The following DCLRE1C variants were observed in gnomAD, a reference collection of about 807,000 sequenced individuals.
The protein encoded by DCLRE1C is protein artemis.
DCLRE1C carries 47 observed loss-of-function variants against 61.4 expected under a neutral mutation model. The ratio of observed to expected loss-of-function variants is 0.77; its 90% CI spans 0.61 to 0.98. DCLRE1C has a LOEUF of 0.98. DCLRE1C is among the 50% of genes least tolerant of loss of function. The pLI, the probability that DCLRE1C is intolerant of heterozygous loss-of-function variation, is 0.00. For missense variants in DCLRE1C, 858 were observed against 816.0 expected (o/e 1.05, Z -0.63); for synonymous variants, 337 against 287.6 (o/e 1.17, Z -1.74).
At chr10:14,901,283 T>C (rs775867581), downstream of DCLRE1C, 4 of 1,612,926 alleles carry the variant, frequency 2.5e-6, no homozygotes, top group African/African-American at 5.3e-5. Context: ...CAAGTACAGT[T>C]TCATTGGTGT....
downstream of DCLRE1C, among the ~76,000 whole-genome samples, chr10:14,899,991 A>G (rs1056610774): frequency 6.6e-6 from 1 of 152,230 alleles, no homozygotes; most frequent in Non-Finnish European, 1.5e-5. Context: ...GAGCAGAGCA[A>G]TTAAGAGGTA....
intron 1 of DCLRE1C, among the ~76,000 whole-genome samples, chr10:14,951,729 G>A (rs376135487): frequency 2.6e-5 from 4 of 152,112 alleles, no homozygotes; most frequent in East Asian, 1.9e-4. Flanking sequence ...AGGACAGAGC[G>A]CCCTCTCTCT....
At chr10:14,919,662 C>A in intron 13 of DCLRE1C, 76 bp downstream of exon 13, 1 of 1,172,068 alleles carries the variant, frequency 8.5e-7, no homozygotes. Context: ...AAGGCCACTT[C>A]TCCCAGACCC....
At chr10:14,943,783 TGAGCTGCCC>T (rs1348668639) in intron 3 of DCLRE1C, among the ~76,000 whole-genome samples, 1 of 147,972 alleles carries the variant, frequency 6.8e-6, no homozygotes, top group Non-Finnish European at 1.5e-5. Context: ...TGACCTCAGG[TGAGCTGCCC>T]GCCTCGGCCT....
At chr10:14,930,883 A>T (rs953829496) in intron 9 of DCLRE1C, among the ~76,000 whole-genome samples, 7 of 152,242 alleles carry the variant, frequency 4.6e-5, no homozygotes, top group Non-Finnish European at 8.8e-5. Flanking sequence ...GCAGCTTACC[A>T]ATCAGCAAAA....
chr10:14,913,745 C>A (rs188660063), intron 13 of DCLRE1C, among the ~76,000 whole-genome samples: 38 of 152,138 alleles, frequency 2.5e-4, no homozygotes, highest in Admixed American at 6.5e-4. Flanking sequence ...TATAAGTAAT[C>A]CAGAGATGAT....
At position 14,926,881 on chromosome 10, in the gene DCLRE1C, A is replaced by T. The variant is rs1470101838; in HGVS notation, c.934T>A (p.Tyr312Asn). The stretch of plus-strand genomic sequence containing the variant: ...GAGTGAAAAGAAAAACAAGCTCTGT[A>T]TGAACTCTCTCCAGTCCTAAAGGGA... ...NVIVRTGESS[Y>N]RACFSFHSSY... Residue 312 changes from tyrosine (Y) to asparagine (N), a missense_variant, in exon 11 of 14, where the codon TAC becomes AAC. Tyr to Asn is a moderately radical substitution (Grantham distance 143). Transcript: ENST00000378278. 6.2e-7 allele frequency: 1 copy of T among 1,613,588 alleles called. No homozygotes were observed. The highest frequency in any genetic ancestry group is 8.5e-7 in the Non-Finnish European group (1 of 1,179,574).
In DCLRE1C at chr10:14,953,937, C is replaced by T. The variant is rs1198932567; in HGVS notation, c.74G>A (p.Arg25Lys). ...SIDRFDRENL[R>K]ARAYFLSHCH... ...GTGGGACAGGAAGTAGGCGCGGGCC[C>T]TCAGGTTCTCCCTATCGAAGCGGTC... The change falls in exon 1 of 14, where the codon AGG becomes AAG. Residue 25 changes from arginine (R) to lysine (K), a missense_variant. Physicochemically the swap from Arg to Lys is conservative, Grantham distance 26 (BLOSUM62 2). This residue lies in a region of DCLRE1C where 15 missense variants were observed against 32.5 expected (regional missense o/e 0.46). Coordinates refer to ENST00000378278, the MANE Select transcript of DCLRE1C (RefSeq NM_001033855.3). 6.2e-7 allele frequency: 1 copy of T among 1,613,936 alleles called. No individual in the cohort carries two copies. The highest frequency in any genetic ancestry group is 8.5e-7 in the Non-Finnish European group (1 of 1,179,940).
intron 1 of DCLRE1C, among the ~76,000 whole-genome samples, chr10:14,950,955 G>A (rs574341701): frequency 1.3e-5 from 2 of 152,296 alleles, no homozygotes; most frequent in South Asian, 2.1e-4. Context: ...CTCAGGGGTC[G>A]GGGGGCCCTC....
intron 3 of DCLRE1C, among the ~76,000 whole-genome samples, chr10:14,944,673 CTTTTTTT>C (rs1165126470): frequency 2.5e-5 from 3 of 117,726 alleles, no homozygotes; most frequent in Non-Finnish European, 3.6e-5. Flanking sequence ...TTTTTTTTTT[CTTTTTTT>C]TTTTTTTTTT....
chr10:14,902,636 C>G, downstream of DCLRE1C: 1 of 665,272 alleles, frequency 1.5e-6, no homozygotes, highest in Non-Finnish European at 2.4e-6. Context: ...ATTCATGTTT[C>G]AAGACATTTG....
intron 11 of DCLRE1C, among the ~76,000 whole-genome samples, chr10:14,924,160 T>C (rs1837570358): frequency 6.6e-6 from 1 of 152,248 alleles, no homozygotes; most frequent in Non-Finnish European, 1.5e-5. Flanking sequence ...GGCTGTGTGC[T>C]CACGCTAACG....
chr10:14,908,300 C>T lies in DCLRE1C; in HGVS notation c.*108G>A. On this transcript the variant is annotated 3_prime_UTR_variant, in exon 14 of 14. Transcript: ENST00000378278. ...ACAAGTGTGAGCCACCACACCCAACCAGGTTATTTGAACATTTTTAAGTAC... is the reference window on the plus strand; with the variant it reads ...ACAAGTGTGAGCCACCACACCCAACTAGGTTATTTGAACATTTTTAAGTAC... 2 of 948,654 alleles carry T rather than the reference C, an allele frequency of 2.1e-6. No homozygotes were observed. The highest frequency in any genetic ancestry group is 5.1e-5 in the East Asian group (2 of 39,276). The allele number at this position is 948,654 out of a possible 1,614,324, so 58.8% of individuals were successfully genotyped here. A position where few individuals can be genotyped will look rare whatever the true frequency, so the allele number is the denominator to read the frequency against.
At chr10:14,954,188 G>A (rs984874449), upstream of DCLRE1C, 1 of 998,028 alleles carries the variant, frequency 1.0e-6, no homozygotes, top group African/African-American at 1.6e-5. Flanking sequence ...CATCCGGTCG[G>A]GTTCTAGGCG....
intron 13 of DCLRE1C, among the ~76,000 whole-genome samples, chr10:14,918,701 A>G (rs1836619105): frequency 1.3e-5 from 2 of 152,182 alleles, no homozygotes; most frequent in South Asian, 2.1e-4. Context: ...AATAGAGTTA[A>G]CATCTGAAAT....
chr10:14,911,886 C>T (rs1283600299), intron 13 of DCLRE1C, among the ~76,000 whole-genome samples: 1 of 152,196 alleles, frequency 6.6e-6, no homozygotes, highest in Non-Finnish European at 1.5e-5. Context: ...ATCAAAACTG[C>T]AGGGTACCAC....
intron 11 of DCLRE1C, among the ~76,000 whole-genome samples, chr10:14,925,396 G>A (rs1366894262): frequency 1.3e-5 from 2 of 152,004 alleles, no homozygotes; most frequent in African/African-American, 4.8e-5. Flanking sequence ...CTTAAAATAA[G>A]GCATCAATAG....
rs1010830876 is a variant in DCLRE1C, at chr10:14,907,185, A to G, written c.*1223T>C. ...TCTTGAGCATTTTCTTTTATATTCTAATTGTCCGCTTCTAATTTGGCCACC... is the reference window on the plus strand; with the variant it reads ...TCTTGAGCATTTTCTTTTATATTCTGATTGTCCGCTTCTAATTTGGCCACC... On this transcript the variant is annotated 3_prime_UTR_variant, in exon 14 of 14. Coordinates refer to ENST00000378278, the MANE Select transcript of DCLRE1C (RefSeq NM_001033855.3). 6.6e-6 allele frequency among the ~76,000 whole-genome samples: 1 copy of G among 151,482 alleles called. No individual in the cohort carries two copies. The highest frequency in any genetic ancestry group is 1.5e-5 in the Non-Finnish European group (1 of 67,914).
At chr10:14,948,158 G>C (rs1485488192) in intron 2 of DCLRE1C, among the ~76,000 whole-genome samples, 1 of 151,334 alleles carries the variant, frequency 6.6e-6, no homozygotes, top group Non-Finnish European at 1.5e-5. Context: ...GAGATCACTT[G>C]AAGCCAGGAG....
Sources: gnomAD v4.1 joint callset for allele counts (sites outside exome capture counted in the v4.1 genomes callset) on GRCh38, gnomAD v4.1.1 for gene constraint, gnomAD v4.1.1 regional missense constraint, MANE v1.5 for transcripts, NCBI Gene and HGNC (gene_info 2026-07-23, HGNC 2026-07-21) for gene names.